ATXN1: variants seen among roughly 807,000 people sequenced by gnomAD.
ATXN1 encodes ataxin 1.
A neutral mutation model predicts 56.4 loss-of-function variants in ATXN1; 8 were observed. That is an observed-to-expected ratio of 0.14 (90% CI 0.08 to 0.26). ATXN1 has a LOEUF of 0.26. Among genes scored for constraint, ATXN1 ranks in the 10% least tolerant of loss-of-function variants. ATXN1 has a pLI of 1.00. For missense variants in ATXN1, 987 were observed against 1,106.5 expected, an observed-to-expected ratio of 0.89 and a Z score of 1.53; for synonymous variants, 514 against 494.6, an observed-to-expected ratio of 1.04 and a Z score of -0.52.
intron 6 of ATXN1, among the ~76,000 whole-genome samples, chr6:16,417,212 T>C (rs1456319687): frequency 2.6e-5 from 4 of 152,138 alleles, no homozygotes; most frequent in African/African-American, 7.2e-5. Flanking sequence ...AAAAAAAATT[T>C]TCTTTTGAGA....
At chr6:16,522,969 G>T (rs1761322400) in intron 4 of ATXN1, among the ~76,000 whole-genome samples, 1 of 152,148 alleles carries the variant, frequency 6.6e-6, no homozygotes, top group African/African-American at 2.4e-5. Context: ...TCCATATTGT[G>T]GTGCCCAAGA....
chr6:16,374,704 CTCTG>C (rs1762109933), intron 6 of ATXN1, among the ~76,000 whole-genome samples: 1 of 152,220 alleles, frequency 6.6e-6, no homozygotes, highest in Non-Finnish European at 1.5e-5. Flanking sequence ...CAGCTCCCAC[CTCTG>C]TCTGATATAG....
chr6:16,558,785 TGATA>T (rs1033082315), intron 4 of ATXN1, among the ~76,000 whole-genome samples: 24 of 152,232 alleles, frequency 1.6e-4, no homozygotes, highest in Admixed American at 1.3e-3. Flanking sequence ...AATAAAAATC[TGATA>T]AATAAGATGA....
At chr6:16,588,764 G>A (rs1275751253) in intron 3 of ATXN1, among the ~76,000 whole-genome samples, 1 of 152,152 alleles carries the variant, frequency 6.6e-6, no homozygotes, top group South Asian at 2.1e-4. Flanking sequence ...AAAATCTTCT[G>A]AGTGAATAAA....
Position 16,587,034 on chromosome 6 carries a change from C to T in ATXN1, c.-488-1127G>A, listed in dbSNP as rs1762639285. ...TCTGTCTCAAAAAAAAAAAAAGTAT[C>T]AAATCACTATCACCTCATTTTTCCC... is the stretch of plus-strand genomic sequence containing the variant. On this transcript the variant is annotated intron_variant, in intron 3 of 7. Transcript: ENST00000436367. Among the ~76,000 whole-genome samples, 6 of 151,640 alleles carry T rather than the reference C, an allele frequency of 4.0e-5. No homozygotes were observed. The South Asian group carries it at 8.3e-4, about 21-fold the overall frequency.
chr6:16,744,055 T>G (rs1213674377), intron 2 of ATXN1, among the ~76,000 whole-genome samples: 2 of 152,146 alleles, frequency 1.3e-5, no homozygotes, highest in South Asian at 2.1e-4. Flanking sequence ...CATTTTGGCT[T>G]CAAAGAGGAA....
chr6:16,354,288 C>T (rs1204896220), intron 6 of ATXN1, among the ~76,000 whole-genome samples: 7 of 151,846 alleles, frequency 4.6e-5, no homozygotes, highest in African/African-American at 1.2e-4. Flanking sequence ...GATGGAGTCT[C>T]GCTCTGTCGC....
chr6:16,391,855 C>G lies in ATXN1; in HGVS notation c.-160-63385G>C, dbSNP rs76315178. Among the ~76,000 whole-genome samples the G allele has an allele frequency of 6.0e-3, 919 of 152,270 alleles. 8 individuals carry two copies. Among genetic ancestry groups the G allele is most frequent in the African/African-American group, 0.021 (867 of 41,552 alleles). ...CTTTTTATTTCTCTGCCCTCAAAGCCCAGCAGCCTGGAGGGGAGAAGGCAG... is the reference window on the plus strand; with the variant it reads ...CTTTTTATTTCTCTGCCCTCAAAGCGCAGCAGCCTGGAGGGGAGAAGGCAG... On this transcript the variant is annotated intron_variant, in intron 6 of 7. Coordinates refer to ENST00000436367, the MANE Select transcript of ATXN1 (RefSeq NM_001128164.2).
At chr6:16,704,127 G>A (rs894678187) in intron 2 of ATXN1, among the ~76,000 whole-genome samples, 1 of 152,206 alleles carries the variant, frequency 6.6e-6, no homozygotes. Flanking sequence ...GGCAAAACAC[G>A]TCATGGAGCC....
At chr6:16,370,634 T>C (rs1333658191) in intron 6 of ATXN1, among the ~76,000 whole-genome samples, 1 of 152,202 alleles carries the variant, frequency 6.6e-6, no homozygotes, top group African/African-American at 2.4e-5. Context: ...CTATTTACAT[T>C]TTGATTGTAT....
chr6:16,718,709 T>C (rs1425728175), intron 2 of ATXN1, among the ~76,000 whole-genome samples: 2 of 152,260 alleles, frequency 1.3e-5, no homozygotes, highest in Non-Finnish European at 2.9e-5. Flanking sequence ...CACTGTGATT[T>C]TAGTGAGAAA....
chr6:16,606,867 T>TTTTGTGTGTGTGTGTGTGTGTGTGTG (rs1554119512), intron 3 of ATXN1, among the ~76,000 whole-genome samples: 3 of 126,712 alleles, frequency 2.4e-5, no homozygotes, highest in South Asian at 3.1e-4. Context: ...GTTCCATGAG[T>TTTTGTGTGTGTGTGTGTGTGTGTGTG]TGTGTGTGTG....
At position 16,570,819 on chromosome 6, in the gene ATXN1, T is replaced by A. The variant is rs75261311; in HGVS notation, c.-361+14961A>T. Among the ~76,000 whole-genome samples the A allele has an allele frequency of 2.3e-4, 35 of 152,334 alleles. No individual in the cohort carries two copies. In the East Asian group the frequency reaches 5.6e-3, roughly 24 times the overall value. On this transcript the variant is annotated intron_variant, in intron 4 of 7. Transcript: ENST00000436367. ...AAGATGTAATTTGAAATGGAGTCTGTCTAATCCAAAACCCTAGCTTTCTAC... is the reference window on the plus strand; with the variant it reads ...AAGATGTAATTTGAAATGGAGTCTGACTAATCCAAAACCCTAGCTTTCTAC...
intron 1 of ATXN1, among the ~76,000 whole-genome samples, chr6:16,753,859 T>TAA (rs1760801617): frequency 6.6e-6 from 1 of 151,660 alleles, no homozygotes; most frequent in African/African-American, 2.4e-5. Flanking sequence ...AAAAAAAGTG[T>TAA]AAAGTGTGCA....
chr6:16,543,632 T>TAAAAAAA (rs566914364), intron 4 of ATXN1, among the ~76,000 whole-genome samples: 1 of 106,402 alleles, frequency 9.4e-6, no homozygotes, highest in Admixed American at 9.8e-5. Flanking sequence ...GCTATTTTCC[T>TAAAAAAA]AAAAAAAAAA....
chr6:16,638,496 G>C (rs915630397), intron 3 of ATXN1, among the ~76,000 whole-genome samples: 7 of 150,004 alleles, frequency 4.7e-5, no homozygotes, highest in Non-Finnish European at 1.0e-4. Context: ...CATAAAATTA[G>C]GTACAGGGTC....
chr6:16,324,372 G>A (rs1760753821), intron 7 of ATXN1, among the ~76,000 whole-genome samples: 1 of 151,864 alleles, frequency 6.6e-6, no homozygotes, highest in Admixed American at 6.6e-5. Flanking sequence ...GATCGCTGGA[G>A]CCTAGGAGGT....
chr6:16,567,599 C>T (rs767463849), intron 4 of ATXN1, among the ~76,000 whole-genome samples: 2 of 152,202 alleles, frequency 1.3e-5, no homozygotes, highest in Non-Finnish European at 2.9e-5. Flanking sequence ...CCTAACAGAA[C>T]AGCATCAGCA....
At chr6:16,375,806 C>T (rs915869085) in intron 6 of ATXN1, among the ~76,000 whole-genome samples, 16 of 152,316 alleles carry the variant, frequency 1.1e-4, no homozygotes, top group Admixed American at 9.2e-4. Context: ...AAAATATACT[C>T]CATTGTGAAT....
Sources: allele counts gnomAD v4.1 joint callset (sites outside exome capture counted in the v4.1 genomes callset), GRCh38; gene constraint gnomAD v4.1.1; transcripts MANE v1.5; gene names NCBI Gene and HGNC (gene_info 2026-07-23, HGNC 2026-07-21).